RUSC2: variants seen among roughly 807,000 people sequenced by gnomAD.
RUSC2 encodes the protein AP-4 complex accessory subunit RUSC2.
A neutral mutation model predicts 122.2 loss-of-function variants in RUSC2; 34 were observed. The observed-to-expected ratio is 0.28, with a 90% confidence interval of 0.21 to 0.37. The LOEUF (loss-of-function observed/expected upper bound fraction) is 0.37. Ranked by LOEUF, RUSC2 falls within the 10% of genes least tolerant of loss-of-function variation. The probability of loss-of-function intolerance (pLI) is 1.00; values close to 1 mark genes in which losing one functional copy is unlikely to be tolerated. For missense variants in RUSC2, 1,747 were observed against 1,952.4 expected, an observed-to-expected ratio of 0.89 and a Z score of 1.98; for synonymous variants, 784 against 790.0, an observed-to-expected ratio of 0.99 and a Z score of 0.13.
At chr9:35,525,711 A>G (rs1483563213) in intron 1 of RUSC2, among the ~76,000 whole-genome samples, 2 of 152,134 alleles carry the variant, frequency 1.3e-5, no homozygotes, top group Non-Finnish European at 2.9e-5. Context: ...AGGCAGGAGA[A>G]TTGCTTGAAC....
In RUSC2 at chr9:35,547,444, A is replaced by C; in HGVS notation, c.923A>C (p.Asp308Ala). 6.2e-7 allele frequency: 1 copy of C among 1,612,860 alleles called. No individual in the cohort carries two copies. Among genetic ancestry groups the C allele is most frequent in the Non-Finnish European group, 8.5e-7 (1 of 1,179,702 alleles). The change falls in exon 2 of 12, where the codon GAC (aspartate) becomes GCC (alanine). Residue 308 changes from aspartate (D) to alanine (A), a missense_variant. Asp to Ala is a moderately radical substitution (Grantham distance 126). Coordinates refer to ENST00000361226, the MANE Select transcript of RUSC2 (RefSeq NM_014806.5). This position sits in a 1 kb window ranked among gnomAD's most constrained non-coding sequence, Gnocchi z 4.6. ...NLNSAPQSCS[D>A]SSFCSHSDPG... ...AACTCTGCCCCACAGTCCTGCAGCG[A>C]CTCTTCCTTCTGCAGCCACTCAGAC...
intron 1 of RUSC2, among the ~76,000 whole-genome samples, chr9:35,533,779 G>A (rs1821470050): frequency 6.6e-6 from 1 of 152,146 alleles, no homozygotes; most frequent in Non-Finnish European, 1.5e-5. Context: ...CATCCATGTT[G>A]GAGCATTTAT....
intron 1 of RUSC2, among the ~76,000 whole-genome samples, chr9:35,496,827 G>A (rs1239272389): frequency 6.6e-6 from 1 of 152,144 alleles, no homozygotes; most frequent in Non-Finnish European, 1.5e-5. Flanking sequence ...TGTTATTGTG[G>A]AAATGGCCCT....
intron 1 of RUSC2, among the ~76,000 whole-genome samples, chr9:35,511,055 A>G (rs983566296): frequency 2.0e-5 from 3 of 152,168 alleles, no homozygotes; most frequent in African/African-American, 4.8e-5. Context: ...TGAAACTCCA[A>G]ACAGCTTGAG....
chr9:35,551,928 A>G (rs1465260073), intron 2 of RUSC2, among the ~76,000 whole-genome samples: 1 of 151,858 alleles, frequency 6.6e-6, no homozygotes, highest in Admixed American at 6.6e-5. Context: ...GCTGGGAGTG[A>G]TGGCACATGC....
At chr9:35,553,366 T>C (rs896821146) in intron 2 of RUSC2, among the ~76,000 whole-genome samples, 8 of 152,240 alleles carry the variant, frequency 5.3e-5, no homozygotes, top group African/African-American at 1.9e-4. Flanking sequence ...CACTCCATAC[T>C]GTGTGCCAGC....
rs767269632 is a variant in RUSC2 at position 35,547,268 on chromosome 9, C to G, written c.747C>G (p.His249Gln). The G allele has an allele frequency of 6.2e-7, 1 of 1,614,204 alleles. No individual in the cohort carries two copies. Among genetic ancestry groups the G allele is most frequent in the Non-Finnish European group, 8.5e-7 (1 of 1,180,038 alleles). ...GATGCTCCGGCTCAGGGGACCAGCA[C>G]TGCCGCTGCAGTAGCACATCCAGTC... Reference protein sequence around the residue: ...NPGCSGSGDQHCRCSSTSSQS... With the variant: ...NPGCSGSGDQQCRCSSTSSQS... Residue 249 changes from histidine (H) to glutamine (Q), a missense_variant, in exon 2 of 12, where the codon CAC (histidine) becomes CAG (glutamine). Transcript: ENST00000361226. This position sits in a 1 kb window ranked among gnomAD's most constrained non-coding sequence, Gnocchi z 4.6.
chr9:35,541,232 G>C (rs559799741), intron 1 of RUSC2, among the ~76,000 whole-genome samples: 1 of 151,976 alleles, frequency 6.6e-6, no homozygotes, highest in South Asian at 2.1e-4. Context: ...TCTTATTCTG[G>C]ATCCTCTGTT....
At chr9:35,518,952 T>C (rs1251617938) in intron 1 of RUSC2, among the ~76,000 whole-genome samples, 1 of 152,200 alleles carries the variant, frequency 6.6e-6, no homozygotes, top group Non-Finnish European at 1.5e-5. Context: ...TGTGTATGTG[T>C]GTACCCTGTC....
intron 1 of RUSC2, among the ~76,000 whole-genome samples, chr9:35,524,815 C>CA (rs1197691045): frequency 6.6e-6 from 1 of 151,838 alleles, no homozygotes; most frequent in Non-Finnish European, 1.5e-5. Context: ...ACTAAAAATA[C>CA]AAAAAATTAG....
At chr9:35,551,903 A>T (rs1362492933) in intron 2 of RUSC2, among the ~76,000 whole-genome samples, 1 of 151,146 alleles carries the variant, frequency 6.6e-6, no homozygotes, top group Non-Finnish European at 1.5e-5. Flanking sequence ...CTACAGAAAA[A>T]AAAATTTAAA....
chr9:35,556,977 C>T (rs1563874654), intron 5 of RUSC2, among the ~76,000 whole-genome samples: 4 of 152,106 alleles, frequency 2.6e-5, no homozygotes, highest in South Asian at 2.1e-4. Flanking sequence ...AGTCACGCTC[C>T]GGTCCCTTCC....
chr9:35,548,422 G>A lies in RUSC2; in HGVS notation c.1901G>A (p.Gly634Asp). The A allele has an allele frequency of 1.2e-6, 2 of 1,613,952 alleles. No homozygotes were observed. Among genetic ancestry groups the A allele is most frequent in the South Asian group, 2.2e-5 (2 of 91,086 alleles). The change falls in exon 2 of 12, where the codon GGC becomes GAC. Residue 634 changes from glycine (G) to aspartate (D), a missense_variant. Physicochemically the swap from Gly to Asp is moderately conservative, Grantham distance 94 (BLOSUM62 -1). Transcript: ENST00000361226. The surrounding 1 kb of genome is among the most constrained non-coding windows in gnomAD (Gnocchi z 4.5). ...GPHSSEMPPA[G>D]LRATGQGPLA... ...CACTCCAGTGAGATGCCTCCTGCTG[G>A]CCTCAGAGCTACTGGGCAAGGCCCC...
chr9:35,558,392 C>T lies in RUSC2; in HGVS notation c.3235+21C>T, dbSNP rs766354764. On this transcript the variant is annotated intron_variant, in intron 7 of 11. Coordinates refer to ENST00000361226, the MANE Select transcript of RUSC2 (RefSeq NM_014806.5). This position sits in a 1 kb window ranked among gnomAD's most constrained non-coding sequence, Gnocchi z 4.3. Reference sequence around the variant, plus strand: ...GCTAGGTAGGTGCTGGGTGCCAAGACGGGGACCCAGGGCTGAATTTAGGGC... The same window carrying T: ...GCTAGGTAGGTGCTGGGTGCCAAGATGGGGACCCAGGGCTGAATTTAGGGC... 7 of 1,613,820 alleles carry T rather than the reference C, an allele frequency of 4.3e-6. No homozygotes were observed. The East Asian group carries it at 1.3e-4, about 31-fold the overall frequency.
chr9:35,541,737 G>A (rs1821646547), intron 1 of RUSC2, among the ~76,000 whole-genome samples: 1 of 151,940 alleles, frequency 6.6e-6, no homozygotes, highest in African/African-American at 2.4e-5. Flanking sequence ...GAGCCCCCAT[G>A]CTAGGTCTAC....
intron 9 of RUSC2, 98 bp from the exon 10 acceptor site, chr9:35,559,931 G>A (rs753543959): frequency 3.7e-5 from 37 of 1,002,388 alleles, no homozygotes; most frequent in East Asian, 4.8e-5. Context: ...AGCCTGCACC[G>A]CTGTCTGCAG....
In RUSC2 at chr9:35,560,713, G is replaced by A. The variant is rs533021185; in HGVS notation, c.4073G>A (p.Arg1358His). ...GACTCTGTGCTGGCCGAGCTGAGGC[G>A]CAGTCGGGAGAGGGAAGGGCCCGCT... ...PPDSVLAELR[R>H]SREREGPAAS... The change falls in exon 10 of 12, where the codon CGC becomes CAC. Residue 1358 changes from arginine to histidine, a missense_variant. Transcript: ENST00000361226. 23 of 1,552,088 alleles carry A rather than the reference G, an allele frequency of 1.5e-5. No individual in the cohort carries two copies. Among genetic ancestry groups the A allele is most frequent in the African/African-American group, 9.5e-5 (7 of 73,398 alleles).
intron 2 of RUSC2, among the ~76,000 whole-genome samples, chr9:35,549,651 C>T (rs936407606): frequency 1.6e-4 from 24 of 152,128 alleles, no homozygotes; most frequent in African/African-American, 4.3e-4. Context: ...GGCTTTGTGA[C>T]GACTTGTAAG....
At chr9:35,504,661 C>T (rs1820879604) in intron 1 of RUSC2, among the ~76,000 whole-genome samples, 1 of 152,100 alleles carries the variant, frequency 6.6e-6, no homozygotes, top group Non-Finnish European at 1.5e-5. Flanking sequence ...GACAGGGTTT[C>T]ACCACGTTGG....
Sources: allele counts gnomAD v4.1 joint callset (sites outside exome capture counted in the v4.1 genomes callset), GRCh38; gene constraint gnomAD v4.1.1; non-coding constraint Gnocchi (gnomAD v3.1); transcripts MANE v1.5; gene names NCBI Gene and HGNC (gene_info 2026-07-23, HGNC 2026-07-21).